The following GEM variants were observed in gnomAD, a reference collection of about 807,000 sequenced individuals.
GEM encodes the protein GTP binding protein overexpressed in skeletal muscle, also known as GTP-binding protein GEM.
Under a neutral mutation model 33.0 loss-of-function variants are expected in GEM, and 31 were observed. The observed-to-expected ratio is 0.94, with a 90% CI of 0.71 to 1.27. The LOEUF is 1.27. Among genes scored for constraint, GEM ranks in the 50% most tolerant of loss-of-function variants. GEM has a pLI of 0.00. For missense variants in GEM, 354 were observed against 390.5 expected (o/e 0.91, Z 0.79); for synonymous variants, 141 against 143.7 (o/e 0.98, Z 0.13).
chr8:94,255,005 G>T (rs1046813593), intron 2 of GEM, among the ~76,000 whole-genome samples: 10 of 152,162 alleles, frequency 6.6e-5, no homozygotes, highest in African/African-American at 2.4e-4. Context: ...GACAACGCAA[G>T]GGAGACTGTC....
At chr8:94,260,117 C>CT in intron 2 of GEM, 56 bp downstream of exon 2, 1 of 1,214,518 alleles carries the variant, frequency 8.2e-7, no homozygotes. Flanking sequence ...CACCCTCACT[C>CT]TTTCTTCCTG....
chr8:94,256,191 T>C (rs1365683482), intron 2 of GEM, among the ~76,000 whole-genome samples: 2 of 149,560 alleles, frequency 1.3e-5, no homozygotes, highest in African/African-American at 5.0e-5. Context: ...TTAGTAATTT[T>C]CCATCCTCTG....
rs1200788898 is a variant in GEM, at chr8:94,249,529, T to C, written c.*781A>G. On this transcript the variant is annotated 3_prime_UTR_variant, in exon 5 of 5. Coordinates refer to ENST00000297596, the MANE Select transcript of GEM (RefSeq NM_005261.4). ...GATTATACATTAAAAATTGACATTT[T>C]GCACTACAGGGTATCAATAATTCTG... The C allele has an allele frequency of 6.6e-6, 1 of 152,234 alleles. No homozygotes were observed. The highest frequency in any genetic ancestry group is 1.9e-4 in the East Asian group (1 of 5,206). The allele number at this position is 152,234 out of a possible 1,614,324, so 9.4% of individuals were successfully genotyped here.
rs200775391 is a variant in GEM, at chr8:94,250,450, G to A, written c.751C>T (p.Arg251Trp). The A allele has an allele frequency of 2.7e-5, 44 of 1,614,060 alleles. No individual in the cohort carries two copies. The Middle Eastern group carries it at 4.9e-4, about 18-fold the overall frequency. ...TTCCTTTTCTGGTAGGCCAGCCGCC[G>A]TTCATTCTTCTCCTTGCTGTCCCGC... ...LRRDSKEKNE[R>W]RLAYQKRKES... Residue 251 changes from arginine (R) to tryptophan (W), a missense_variant, in exon 5 of 5, where the codon CGG becomes TGG. Physicochemically the swap from Arg to Trp is moderately radical, Grantham distance 101. Transcript: ENST00000297596.
chr8:94,256,987 G>C (rs1808903903), intron 2 of GEM, among the ~76,000 whole-genome samples: 2 of 152,054 alleles, frequency 1.3e-5, no homozygotes, highest in South Asian at 2.1e-4. Flanking sequence ...GTCAGTGTCA[G>C]AGCTGCGTCT....
chr8:94,253,007 G>A (rs1808810826), intron 3 of GEM, 29 bp downstream of exon 3: 2 of 1,287,020 alleles, frequency 1.6e-6, no homozygotes, highest in African/African-American at 1.5e-5. Flanking sequence ...AGCCCTAAAG[G>A]AATTTAGAGA....
intron 2 of GEM, chr8:94,259,873 G>T: frequency 3.4e-6 from 1 of 289,998 alleles, no homozygotes. Flanking sequence ...AGTCAAGTGG[G>T]GCGCTGACCC....
chr8:94,256,980 A>C (rs1195857698), intron 2 of GEM, among the ~76,000 whole-genome samples: 3 of 152,114 alleles, frequency 2.0e-5, no homozygotes, highest in Non-Finnish European at 4.4e-5. Context: ...CAGCCAAGTC[A>C]GTGTCAGAGC....
In GEM at chr8:94,262,082, A is replaced by AC. The variant is rs1809035591; in HGVS notation, c.-10+7dup. ...GACATCCTTTGCACTTGAAGCTCTG[A>AC]CCCCTACCAGAAAATCCCAGTGCTG... On this transcript the variant is annotated splice_region_variant and intron_variant, in intron 1 of 4. Transcript: ENST00000297596. 2.0e-5 allele frequency: 3 copies of AC among 152,274 alleles called. No individual in the cohort carries two copies. In the East Asian group the frequency reaches 5.8e-4, roughly 29 times the overall value. 9.4% of individuals were successfully genotyped at this position (152,274 alleles called of 1,614,324 possible).
chr8:94,257,799 C>A (rs1285409676), intron 2 of GEM, among the ~76,000 whole-genome samples: 1 of 151,446 alleles, frequency 6.6e-6, no homozygotes, highest in Admixed American at 6.6e-5. Context: ...CAATATCCAT[C>A]TTTATTAGGA....
At position 94,249,487 on chromosome 8, in the gene GEM, T is replaced by A. The variant is rs1052779120; in HGVS notation, c.*823A>T. ...GGAAGTTTTTATGCTATATGTTTTA[T>A]AAAAATTCAGACTTCTGATTATACA... On this transcript the variant is annotated 3_prime_UTR_variant, in exon 5 of 5. Coordinates refer to ENST00000297596, the MANE Select transcript of GEM (RefSeq NM_005261.4). The A allele has an allele frequency of 6.6e-6, 1 of 152,226 alleles. No homozygotes were observed. The highest frequency in any genetic ancestry group is 2.4e-5 in the African/African-American group (1 of 41,470). The allele number at this position is 152,226 out of a possible 1,614,324, so 9.4% of individuals were successfully genotyped here. A position where few individuals can be genotyped will look rare whatever the true frequency, so the allele number is the denominator to read the frequency against.
rs774608878 is a variant in GEM at position 94,250,421 on chromosome 8, C to G, written c.780G>C (p.Glu260Asp). The G allele has an allele frequency of 1.9e-6, 3 of 1,614,240 alleles. No individual in the cohort carries two copies. Among genetic ancestry groups the G allele is most frequent in the Non-Finnish European group, 2.5e-6 (3 of 1,180,044 alleles). ...AGCGCCTGGCTTTCCTGGGCATGCT[C>G]TCCTTCCTTTTCTGGTAGGCCAGCC... Reference protein sequence around the residue: ...ERRLAYQKRKESMPRKARRFW... With the variant: ...ERRLAYQKRKDSMPRKARRFW... The change falls in exon 5 of 5, where the codon GAG becomes GAC. Residue 260 changes from glutamate to aspartate, a missense_variant. Transcript: ENST00000297596.
At chr8:94,260,539 A>G (rs1808999904) in intron 1 of GEM, 27 bp from the exon 2 acceptor site, 2 of 1,300,448 alleles carry the variant, frequency 1.5e-6, no homozygotes, top group Admixed American at 1.8e-5. Context: ...CCAAGATGGC[A>G]GCATTAGTAA....
intron 1 of GEM, among the ~76,000 whole-genome samples, chr8:94,261,822 T>C (rs1809028352): frequency 6.6e-6 from 1 of 152,108 alleles, no homozygotes; most frequent in African/African-American, 2.4e-5. Context: ...ATCAGCAAGA[T>C]GCACAAACAC....
chr8:94,255,973 C>T (rs1200175860), intron 2 of GEM, among the ~76,000 whole-genome samples: 1 of 152,166 alleles, frequency 6.6e-6, no homozygotes, highest in Non-Finnish European at 1.5e-5. Flanking sequence ...TTTAGTCAGG[C>T]TCCTCTGAAT....
At chr8:94,255,990 C>A (rs1419210093) in intron 2 of GEM, among the ~76,000 whole-genome samples, 2 of 152,162 alleles carry the variant, frequency 1.3e-5, no homozygotes, top group Non-Finnish European at 2.9e-5. Flanking sequence ...GAATCCTCTT[C>A]TCTACCCGGC....
chr8:94,252,632 A>G (rs1003581339), intron 3 of GEM, among the ~76,000 whole-genome samples: 2 of 152,212 alleles, frequency 1.3e-5, no homozygotes, highest in Admixed American at 1.3e-4. Flanking sequence ...AGGGTTTTCA[A>G]TTAACAGAAG....
rs752869542 is a variant in GEM at position 94,252,227 on chromosome 8, A to C, written c.409-4T>G. On this transcript the variant is annotated splice_polypyrimidine_tract_variant and splice_region_variant and intron_variant, in intron 3 of 4. Coordinates refer to ENST00000297596, the MANE Select transcript of GEM (RefSeq NM_005261.4). ...CATGGAGCCATTCATTTTCCCCCTA[A>C]TGAAACAATAAGATCTTCTGTGAGT... 4 of 1,590,818 alleles carry C rather than the reference A, an allele frequency of 2.5e-6. No individual in the cohort carries two copies. Among genetic ancestry groups the C allele is most frequent in the Non-Finnish European group, 3.4e-6 (4 of 1,161,196 alleles).
At chr8:94,252,943 C>T (rs963494040) in intron 3 of GEM, 93 bp downstream of exon 3, 21 of 699,968 alleles carry the variant, frequency 3.0e-5, no homozygotes, top group Non-Finnish European at 5.1e-5. Flanking sequence ...TCATCTGGAA[C>T]ACCTACTATA....
Sources: gnomAD v4.1 joint callset for allele counts (sites outside exome capture counted in the v4.1 genomes callset) on GRCh38, gnomAD v4.1.1 for gene constraint, MANE v1.5 for transcripts, NCBI Gene and HGNC (gene_info 2026-07-23, HGNC 2026-07-21) for gene names.